PARD3B: variants seen among roughly 807,000 people sequenced by gnomAD.
The protein encoded by PARD3B is par-3 family cell polarity regulator beta.
In PARD3B, 103 loss-of-function variants were observed where a neutral mutation model predicts 130.2. That is an observed-to-expected ratio of 0.79 (90% CI 0.67 to 0.93). The LOEUF is 0.93. Ranked by LOEUF, PARD3B falls within the 40% of genes least tolerant of loss-of-function variation. The pLI is 0.00. For synonymous variants in PARD3B, 583 were observed against 553.2 expected (o/e 1.05, Z -0.76); for missense variants, 1,609 against 1,499.2 (o/e 1.07, Z -1.21).
intron 4 of PARD3B, among the ~76,000 whole-genome samples, chr2:205,100,017 G>A (rs572842047): frequency 3.9e-5 from 6 of 152,110 alleles, no homozygotes; most frequent in Middle Eastern, 3.4e-3. Context: ...CATTGTATTT[G>A]GCCCAATATT....
intron 3 of PARD3B, among the ~76,000 whole-genome samples, chr2:204,989,267 A>G (rs1014923460): frequency 6.6e-6 from 1 of 152,144 alleles, no homozygotes; most frequent in Admixed American, 6.5e-5. Flanking sequence ...GGAAAAAGAA[A>G]AAAGCCAAGT....
intron 4 of PARD3B, among the ~76,000 whole-genome samples, chr2:205,061,168 AG>A (rs973111151): frequency 2.0e-5 from 3 of 152,174 alleles, no homozygotes; most frequent in African/African-American, 7.2e-5. Flanking sequence ...GGTAGAATAA[AG>A]GAAACAGTAA....
chr2:205,247,368 A>G (rs75555409), intron 16 of PARD3B, among the ~76,000 whole-genome samples: 1 of 152,218 alleles, frequency 6.6e-6, no homozygotes. Context: ...TTTACATAGT[A>G]TGATATAAAA....
chr2:204,750,973 T>C (rs1490056592), intron 2 of PARD3B, among the ~76,000 whole-genome samples: 1 of 152,170 alleles, frequency 6.6e-6, no homozygotes, highest in Non-Finnish European at 1.5e-5. Flanking sequence ...GCTTATACTA[T>C]TTTTTGAAGG....
chr2:205,335,649 A>T (rs79219435), intron 18 of PARD3B, among the ~76,000 whole-genome samples: 5,192 of 152,278 alleles, frequency 0.034, 104 homozygotes, highest in Middle Eastern at 0.058. Context: ...GGGGAAAAAA[A>T]AAAAGAGGTT....
intron 2 of PARD3B, among the ~76,000 whole-genome samples, chr2:204,850,467 T>C (rs1038961752): frequency 2.0e-5 from 3 of 150,950 alleles, no homozygotes; most frequent in African/African-American, 7.3e-5. Context: ...TCTTAATCAG[T>C]CAAAAAAAAT....
At position 205,618,404 on chromosome 2, in the gene PARD3B, G is replaced by A. The variant is rs924356777; in HGVS notation, c.*2591G>A. 1 of 152,162 alleles carries A rather than the reference G, an allele frequency of 6.6e-6. No homozygotes were observed. The highest frequency in any genetic ancestry group is 2.4e-5 in the African/African-American group (1 of 41,430). The allele number at this position is 152,162 out of a possible 1,614,324, so 9.4% of individuals were successfully genotyped here. A position where few individuals can be genotyped will look rare whatever the true frequency, so the allele number is the denominator to read the frequency against. Reference sequence around the variant, plus strand: ...CAGGACTCTTTCCCAGCATTTAGGGGAACAGGCTTTTAGAGTATTTAGAAG... The same window carrying A: ...CAGGACTCTTTCCCAGCATTTAGGGAAACAGGCTTTTAGAGTATTTAGAAG... On this transcript the variant is annotated 3_prime_UTR_variant, in exon 23 of 23. Coordinates refer to ENST00000406610, the MANE Select transcript of PARD3B (RefSeq NM_001302769.2).
At chr2:205,285,128 T>A (rs1002034217) in intron 16 of PARD3B, among the ~76,000 whole-genome samples, 1 of 152,136 alleles carries the variant, frequency 6.6e-6, no homozygotes, top group Admixed American at 6.5e-5. Flanking sequence ...AATAGGACTC[T>A]GCAATGTGTG....
chr2:205,174,577 T>C (rs2035359114), intron 12 of PARD3B, among the ~76,000 whole-genome samples: 1 of 152,218 alleles, frequency 6.6e-6, no homozygotes, highest in South Asian at 2.1e-4. Flanking sequence ...ATGTTTTTGC[T>C]GTATTCTCTG....
intron 2 of PARD3B, among the ~76,000 whole-genome samples, chr2:204,772,501 G>A (rs1206260983): frequency 6.6e-6 from 1 of 151,980 alleles, no homozygotes; most frequent in Admixed American, 6.6e-5. Context: ...CAAATATTTT[G>A]CATTTTATTT....
At chr2:204,883,455 A>ATTTTTTTTT (rs1348171832) in intron 2 of PARD3B, among the ~76,000 whole-genome samples, 4 of 77,282 alleles carry the variant, frequency 5.2e-5, no homozygotes, top group African/African-American at 2.2e-4. Context: ...ATATATATAT[A>ATTTTTTTTT]TTTTTTTTTT....
At chr2:204,701,561 A>T (rs1255956901) in intron 2 of PARD3B, among the ~76,000 whole-genome samples, 1 of 152,166 alleles carries the variant, frequency 6.6e-6, no homozygotes, top group Non-Finnish European at 1.5e-5. Context: ...GGCAAATCTA[A>T]CTTTTTTTAA....
intron 2 of PARD3B, among the ~76,000 whole-genome samples, chr2:204,867,724 A>T (rs530070925): frequency 6.6e-6 from 1 of 152,266 alleles, no homozygotes; most frequent in East Asian, 1.9e-4. Flanking sequence ...TTCATTTCAT[A>T]TAGCTTCTTT....
At chr2:205,030,544 C>T (rs1395426757) in intron 3 of PARD3B, among the ~76,000 whole-genome samples, 1 of 151,850 alleles carries the variant, frequency 6.6e-6, no homozygotes, top group Non-Finnish European at 1.5e-5. Flanking sequence ...TTTCTTCTGC[C>T]AATATGTTGA....
intron 1 of PARD3B, among the ~76,000 whole-genome samples, chr2:204,674,019 C>T (rs957678157): frequency 5.9e-5 from 9 of 151,970 alleles, no homozygotes; most frequent in African/African-American, 2.2e-4. Context: ...TCTGTTATAC[C>T]CTGAGCCCGT....
intron 22 of PARD3B, among the ~76,000 whole-genome samples, chr2:205,609,595 A>G (rs1215483164): frequency 2.6e-5 from 4 of 152,208 alleles, no homozygotes; most frequent in Non-Finnish European, 4.4e-5. Context: ...AATCACACAC[A>G]TAGTATTTTA....
chr2:205,472,240 C>T (rs1269368989), intron 20 of PARD3B, among the ~76,000 whole-genome samples: 1 of 151,996 alleles, frequency 6.6e-6, no homozygotes, highest in Non-Finnish European at 1.5e-5. Context: ...AAAATTAAAC[C>T]GTCTCTGGAT....
At chr2:205,103,090 AT>A (rs927453167) in intron 4 of PARD3B, among the ~76,000 whole-genome samples, 29 of 147,068 alleles carry the variant, frequency 2.0e-4, no homozygotes, top group African/African-American at 6.7e-4. Context: ...ATATTTTTTT[AT>A]TTTTTTATTT....
chr2:204,731,706 C>T (rs1314796990), intron 2 of PARD3B, among the ~76,000 whole-genome samples: 1 of 152,064 alleles, frequency 6.6e-6, no homozygotes, highest in Non-Finnish European at 1.5e-5. Flanking sequence ...AAAATTTTAA[C>T]CAAATAAAAA....
Sources: gnomAD v4.1 joint callset for allele counts (sites outside exome capture counted in the v4.1 genomes callset) on GRCh38, gnomAD v4.1.1 for gene constraint, MANE v1.5 for transcripts, NCBI Gene and HGNC (gene_info 2026-07-23, HGNC 2026-07-21) for gene names.